NRXN3: variants seen among roughly 807,000 people sequenced by gnomAD.
The protein encoded by NRXN3 is neurexin III.
In NRXN3, 32 loss-of-function variants were observed where a neutral mutation model predicts 137.6. That is an observed-to-expected ratio of 0.23 (90% CI 0.18 to 0.31). NRXN3 has a LOEUF of 0.31. NRXN3 is among the 10% of genes least tolerant of loss of function. The pLI, the probability that NRXN3 is intolerant of heterozygous loss-of-function variation, is 1.00. For synonymous variants in NRXN3, 798 were observed against 784.5 expected (o/e 1.02, Z -0.29); for missense variants, 1,574 against 2,062.5 (o/e 0.76, Z 4.59).
chr14:78,189,770 G>A (rs2060549386), intron 1 of NRXN3, among the ~76,000 whole-genome samples: 1 of 152,134 alleles, frequency 6.6e-6, no homozygotes, highest in Admixed American at 6.5e-5. Flanking sequence ...ATTTTTAGTA[G>A]AGATGGGATT....
chr14:79,583,195 C>T (rs221420), intron 16 of NRXN3, among the ~76,000 whole-genome samples: 2 of 151,954 alleles, frequency 1.3e-5, no homozygotes, highest in African/African-American at 4.8e-5. Flanking sequence ...ATGTGGAAAG[C>T]GTGAGACAGA....
At chr14:78,694,147 T>C (rs2098201798) in intron 6 of NRXN3, among the ~76,000 whole-genome samples, 1 of 152,024 alleles carries the variant, frequency 6.6e-6, no homozygotes, top group African/African-American at 2.4e-5. Context: ...CATGGTAGTT[T>C]GGAAATATCT....
intron 10 of NRXN3, among the ~76,000 whole-genome samples, chr14:78,813,688 A>G (rs61992257): frequency 0.64 from 96,553 of 151,934 alleles, 37,535 homozygotes; most frequent in Non-Finnish European, 0.86. Context: ...CTGCTATAAA[A>G]TGTTGTTTGT....
intron 16 of NRXN3, among the ~76,000 whole-genome samples, chr14:79,579,612 T>C (rs1031210666): frequency 1.3e-5 from 2 of 152,032 alleles, no homozygotes; most frequent in Non-Finnish European, 2.9e-5. Flanking sequence ...ACAATGTCTG[T>C]AGAAATTGTT....
intron 10 of NRXN3, among the ~76,000 whole-genome samples, chr14:78,905,211 A>G (rs1429664429): frequency 6.6e-6 from 1 of 151,942 alleles, no homozygotes; most frequent in Non-Finnish European, 1.5e-5. Context: ...TCTACAGAGG[A>G]TCACCCTAGC....
intron 4 of NRXN3, among the ~76,000 whole-genome samples, chr14:78,382,386 G>A (rs1455885458): frequency 6.6e-6 from 1 of 152,138 alleles, no homozygotes; most frequent in African/African-American, 2.4e-5. Context: ...ACAGAGAGAG[G>A]ATTTTTGTTA....
chr14:79,093,947 G>A (rs548618853), intron 15 of NRXN3, among the ~76,000 whole-genome samples: 1 of 151,854 alleles, frequency 6.6e-6, no homozygotes, highest in Non-Finnish European at 1.5e-5. Flanking sequence ...GGGTTGCAGG[G>A]GTGAGATAGA....
At chr14:78,748,510 G>A (rs1012393261) in intron 8 of NRXN3, among the ~76,000 whole-genome samples, 4 of 152,136 alleles carry the variant, frequency 2.6e-5, no homozygotes, top group Admixed American at 2.0e-4. Flanking sequence ...AGAGCTAAAT[G>A]AGGAATTGGT....
intron 7 of NRXN3, chr14:78,710,002 T>G: frequency 4.0e-6 from 1 of 249,442 alleles, no homozygotes; most frequent in Non-Finnish European, 7.8e-6. Context: ...GCTTCTCTTT[T>G]TCCTCATCAC....
intron 15 of NRXN3, among the ~76,000 whole-genome samples, chr14:79,275,591 T>C (rs1221607677): frequency 1.3e-5 from 2 of 152,072 alleles, no homozygotes; most frequent in African/African-American, 2.4e-5. Context: ...CACATTTAAA[T>C]ACAATCACAA....
intron 4 of NRXN3, among the ~76,000 whole-genome samples, chr14:78,617,804 A>G (rs1395869889): frequency 1.3e-5 from 2 of 151,970 alleles, no homozygotes; most frequent in Non-Finnish European, 2.9e-5. Flanking sequence ...ATGTGTACAT[A>G]TCATATTAAA....
rs76925260 is a variant in NRXN3 at position 79,498,777 on chromosome 14, C to T, written c.3444+31375C>T. On this transcript the variant is annotated intron_variant, in intron 16 of 20. Coordinates refer to ENST00000335750, the MANE Select transcript of NRXN3 (RefSeq NM_001330195.2). ...ACTTTCCAGCTGGTATGTTTGTTTCCAATCTTTTATTTCATTATTTTTTAA... is the reference window on the plus strand; with the variant it reads ...ACTTTCCAGCTGGTATGTTTGTTTCTAATCTTTTATTTCATTATTTTTTAA... Among the ~76,000 whole-genome samples the T allele has an allele frequency of 2.1e-4, 32 of 152,216 alleles. 1 individual carries two copies. The East Asian group carries it at 6.2e-3, about 29-fold the overall frequency.
chr14:79,480,637 G>T (rs569883275), intron 16 of NRXN3, among the ~76,000 whole-genome samples: 45 of 152,214 alleles, frequency 3.0e-4, no homozygotes, highest in Admixed American at 1.4e-3. Context: ...GCTTGGATCC[G>T]TGTCCCCATC....
At chr14:79,848,496 T>G (rs1033050368) in intron 20 of NRXN3, among the ~76,000 whole-genome samples, 1 of 151,922 alleles carries the variant, frequency 6.6e-6, no homozygotes, top group African/African-American at 2.4e-5. Context: ...TGTTTTTTTA[T>G]GTGTGGCCCA....
intron 10 of NRXN3, among the ~76,000 whole-genome samples, chr14:78,858,759 A>G (rs1452040330): frequency 1.3e-5 from 2 of 152,186 alleles, no homozygotes; most frequent in Admixed American, 1.3e-4. Context: ...ATTCTGCTCC[A>G]CATGATTCCT....
intron 6 of NRXN3, among the ~76,000 whole-genome samples, chr14:78,668,376 C>G (rs2097905284): frequency 6.6e-6 from 1 of 152,072 alleles, no homozygotes; most frequent in Non-Finnish European, 1.5e-5. Flanking sequence ...CCTGGAAGAT[C>G]TTATAGTTCA....
At chr14:79,273,183 A>T (rs1344971975) in intron 15 of NRXN3, among the ~76,000 whole-genome samples, 1 of 150,188 alleles carries the variant, frequency 6.7e-6, no homozygotes. Flanking sequence ...AAAAAAAAAA[A>T]AAAAAAAAAA....
chr14:78,967,176 C>A (rs779516653), intron 12 of NRXN3, 32 bp from the exon 13 acceptor site: 31 of 1,553,102 alleles, frequency 2.0e-5, no homozygotes, highest in Non-Finnish European at 2.5e-5. Flanking sequence ...GGGGATTTTC[C>A]AATTATTGTT....
chr14:79,463,716 A>G (rs1198463656), intron 15 of NRXN3, among the ~76,000 whole-genome samples: 1 of 152,168 alleles, frequency 6.6e-6, no homozygotes, highest in East Asian at 1.9e-4. Flanking sequence ...TGAAATTTAC[A>G]TGATTCTGAA....
Sources: allele counts gnomAD v4.1 joint callset (sites outside exome capture counted in the v4.1 genomes callset), GRCh38; gene constraint gnomAD v4.1.1; transcripts MANE v1.5; gene names NCBI Gene and HGNC (gene_info 2026-07-23, HGNC 2026-07-21).